The following TCF12 variants were observed in gnomAD, a reference collection of about 807,000 sequenced individuals.
TCF12 encodes DNA-binding protein HTF4.
TCF12 carries 45 observed loss-of-function variants against 86.0 expected under a neutral mutation model. The observed-to-expected ratio is 0.52, with a 90% CI of 0.41 to 0.67. The LOEUF is 0.67. TCF12 is among the 30% of genes least tolerant of loss of function. The pLI, the probability that TCF12 is intolerant of heterozygous loss-of-function variation, is 0.00. For missense variants in TCF12, 881 were observed against 859.9 expected (o/e 1.02, Z -0.31); for synonymous variants, 330 against 299.6 (o/e 1.10, Z -1.05).
At chr15:57,276,796 CTTTTTTTTTTCCT>C (rs1158484463) in intron 19 of TCF12, among the ~76,000 whole-genome samples, 25 of 134,472 alleles carry the variant, frequency 1.9e-4, no homozygotes, top group Middle Eastern at 3.9e-3. Flanking sequence ...TTTTTTTTTT[CTTTTTTTTTTCCT>C]TTTTTTTTTT....
chr15:56,946,648 T>A (rs1367231916), intron 3 of TCF12, among the ~76,000 whole-genome samples: 3 of 152,100 alleles, frequency 2.0e-5, no homozygotes, highest in African/African-American at 7.2e-5. Context: ...CTAGACATAG[T>A]GAGTGTTACA....
At chr15:57,077,599 A>G (rs1470308173) in intron 4 of TCF12, among the ~76,000 whole-genome samples, 1 of 151,444 alleles carries the variant, frequency 6.6e-6, no homozygotes, top group Non-Finnish European at 1.5e-5. Context: ...CCTAATTTGT[A>G]TATTTTTTTT....
chr15:56,996,032 A>G (rs1199666777), intron 3 of TCF12, among the ~76,000 whole-genome samples: 1 of 152,144 alleles, frequency 6.6e-6, no homozygotes, highest in Non-Finnish European at 1.5e-5. Context: ...TTCTGCATCT[A>G]TTGAGATGAT....
chr15:57,139,455 T>C (rs1190089422), intron 5 of TCF12, among the ~76,000 whole-genome samples: 4 of 152,164 alleles, frequency 2.6e-5, no homozygotes, highest in African/African-American at 9.7e-5. Context: ...GTGATTATGA[T>C]AATTGGGAGC....
chr15:57,174,619 A>G (rs1232399203), intron 6 of TCF12, among the ~76,000 whole-genome samples: 1 of 152,262 alleles, frequency 6.6e-6, no homozygotes, highest in East Asian at 1.9e-4. Context: ...GTTTGTGTAC[A>G]TAGGAAATCC....
At chr15:57,246,184 A>G (rs2059850219) in intron 13 of TCF12, among the ~76,000 whole-genome samples, 1 of 152,182 alleles carries the variant, frequency 6.6e-6, no homozygotes, top group South Asian at 2.1e-4. Context: ...GTTTTTGAGC[A>G]TCAGTTAGAC....
intron 5 of TCF12, among the ~76,000 whole-genome samples, chr15:57,119,294 T>G (rs12912007): frequency 0.39 from 59,191 of 150,916 alleles, 14,228 homozygotes; most frequent in Non-Finnish European, 0.53. Flanking sequence ...TTGTTTGTTT[T>G]TTTGTTTTTT....
intron 20 of TCF12, among the ~76,000 whole-genome samples, chr15:57,284,084 C>CT (rs1245057763): frequency 2.6e-5 from 4 of 152,170 alleles, no homozygotes; most frequent in African/African-American, 4.8e-5. Flanking sequence ...CCTCTAAAAC[C>CT]TAGATCATTG....
intron 20 of TCF12, among the ~76,000 whole-genome samples, chr15:57,283,914 TAAAAG>T (rs2061815196): frequency 6.6e-6 from 1 of 152,014 alleles, no homozygotes; most frequent in Admixed American, 6.6e-5. Context: ...TCATTTAGGG[TAAAAG>T]AAAAGAAGAG....
intron 8 of TCF12, among the ~76,000 whole-genome samples, chr15:57,211,443 T>C (rs934439382): frequency 6.6e-6 from 1 of 152,180 alleles, no homozygotes; most frequent in Non-Finnish European, 1.5e-5. Flanking sequence ...ATTATGGTTT[T>C]AAATGAACAT....
At position 57,253,416 on chromosome 15, in the gene TCF12, A is replaced by G. The variant is rs753036829; in HGVS notation, c.1415A>G (p.Asn472Ser). 258 of 1,613,990 alleles carry G rather than the reference A, an allele frequency of 1.6e-4. No individual in the cohort carries two copies. Among genetic ancestry groups the G allele is most frequent in the Non-Finnish European group, 2.1e-4 (244 of 1,179,996 alleles). Residue 472 changes from asparagine to serine, a missense_variant, in exon 16 of 21, where the codon AAT (asparagine) becomes AGT (serine). Physicochemically the swap from Asn to Ser is conservative, Grantham distance 46. Around this residue, in one of 3 missense-constraint regions of TCF12, gnomAD observed 766 missense variants for 718.9 expected, o/e 1.07. Transcript: ENST00000333725. The stretch of plus-strand genomic sequence containing the variant: ...CATAATGCACCAATTGGAAGCCTCA[A>G]TTCAAACTATGGAGGATCAAGCCTT... ...PSHNAPIGSLNSNYGGSSLVA... is the reference protein window; with the variant it reads ...PSHNAPIGSLSSNYGGSSLVA...
At chr15:57,156,781 G>T (rs1202665462) in intron 5 of TCF12, among the ~76,000 whole-genome samples, 1 of 152,160 alleles carries the variant, frequency 6.6e-6, no homozygotes, top group Non-Finnish European at 1.5e-5. Context: ...ACCTTGCCTG[G>T]TAAGGTCATG....
intron 5 of TCF12, among the ~76,000 whole-genome samples, chr15:57,141,099 G>A (rs1841692): frequency 0.037 from 5,694 of 152,118 alleles, 313 homozygotes; most frequent in African/African-American, 0.13. Context: ...TGTGACAGCC[G>A]GTCCTTCAGA....
intron 6 of TCF12, among the ~76,000 whole-genome samples, chr15:57,189,142 A>G (rs958385688): frequency 6.6e-6 from 1 of 152,218 alleles, no homozygotes; most frequent in Non-Finnish European, 1.5e-5. Context: ...GCAAAAAACT[A>G]TAAAATTCTC....
chr15:57,189,483 AG>A (rs2056866911), intron 6 of TCF12, among the ~76,000 whole-genome samples: 1 of 152,214 alleles, frequency 6.6e-6, no homozygotes, highest in Admixed American at 6.5e-5. Flanking sequence ...GCCCATGAAA[AG>A]ATGCCCAATA....
intron 12 of TCF12, among the ~76,000 whole-genome samples, chr15:57,242,524 C>T (rs557481286): frequency 3.3e-5 from 5 of 152,158 alleles, no homozygotes; most frequent in South Asian, 2.1e-4. Context: ...AAAGTTAGCT[C>T]GGCATGGTGG....
At chr15:57,199,212 G>A (rs79200924) in intron 8 of TCF12, among the ~76,000 whole-genome samples, 20 of 152,106 alleles carry the variant, frequency 1.3e-4, no homozygotes, top group African/African-American at 4.6e-4. Flanking sequence ...TTTTTTTTCA[G>A]CAGCAGCTAA....
chr15:57,231,365 ATT>A (rs3838866), intron 9 of TCF12, 108 bp downstream of exon 9: 7 of 743,322 alleles, frequency 9.4e-6, no homozygotes, highest in East Asian at 2.7e-5. Context: ...TTATTTAGGC[ATT>A]TTTTTTGGCT....
chr15:57,235,305 G>T (rs757062117), intron 12 of TCF12, among the ~76,000 whole-genome samples: 2 of 152,178 alleles, frequency 1.3e-5, no homozygotes, highest in African/African-American at 2.4e-5. Flanking sequence ...GCCCTGTAAG[G>T]TTGGCATTGT....
Sources: gnomAD v4.1 joint callset for allele counts (sites outside exome capture counted in the v4.1 genomes callset) on GRCh38, gnomAD v4.1.1 for gene constraint, gnomAD v4.1.1 regional missense constraint, MANE v1.5 for transcripts, NCBI Gene and HGNC (gene_info 2026-07-23, HGNC 2026-07-21) for gene names.